The following HMGCLL1 variants were observed in gnomAD, a reference collection of about 807,000 sequenced individuals.
HMGCLL1 encodes 3-hydroxy-3-methylglutaryl-CoA lyase like 1.
Under a neutral mutation model 39.1 loss-of-function variants are expected in HMGCLL1, and 36 were observed. The observed-to-expected ratio is 0.92, with a 90% CI of 0.71 to 1.22. The LOEUF (loss-of-function observed/expected upper bound fraction) is 1.22, where lower values mean the gene tolerates loss of function less well. Among genes scored for constraint, HMGCLL1 ranks in the 50% most tolerant of loss-of-function variants. HMGCLL1 has a pLI of 0.00. For missense variants in HMGCLL1, 451 were observed against 416.5 expected, an observed-to-expected ratio of 1.08 and a Z score of -0.72; for synonymous variants, 149 against 144.0, an observed-to-expected ratio of 1.03 and a Z score of -0.25.
At chr6:55,476,782 A>G (rs1336938390) in intron 7 of HMGCLL1, among the ~76,000 whole-genome samples, 2 of 151,552 alleles carry the variant, frequency 1.3e-5, no homozygotes, top group Non-Finnish European at 3.0e-5. Context: ...ATTAGGATAC[A>G]GTGAAATAGA....
At chr6:55,669,357 T>C in the HMGCLL1 span, among the ~76,000 whole-genome samples, 2 of 151,866 alleles carry the variant, frequency 1.3e-5, no homozygotes, top group East Asian at 3.9e-4. Flanking sequence ...TTGATACATG[T>C]AGTCTGAGCC....
At chr6:55,498,959 C>T (rs1343582384) in intron 6 of HMGCLL1, among the ~76,000 whole-genome samples, 3 of 146,894 alleles carry the variant, frequency 2.0e-5, no homozygotes, top group Non-Finnish European at 4.6e-5. Context: ...TACGTTATAG[C>T]CACAAAAAAA....
chr6:55,483,368 C>T (rs926429757), intron 7 of HMGCLL1, among the ~76,000 whole-genome samples: 1 of 152,156 alleles, frequency 6.6e-6, no homozygotes, highest in Non-Finnish European at 1.5e-5. Flanking sequence ...CAGGTTCAAG[C>T]AATTCTCCTG....
intron 7 of HMGCLL1, among the ~76,000 whole-genome samples, chr6:55,457,908 G>A (rs1764395162): frequency 6.6e-6 from 1 of 152,130 alleles, no homozygotes; most frequent in African/African-American, 2.4e-5. Context: ...CTGGGGCCAT[G>A]AGTGCACTTT....
intron 6 of HMGCLL1, among the ~76,000 whole-genome samples, chr6:55,496,911 T>C (rs1581857913): frequency 6.6e-6 from 1 of 152,272 alleles, no homozygotes; most frequent in African/African-American, 2.4e-5. Context: ...TTTTTGACTG[T>C]GCATGTGGAG....
chr6:55,630,157 A>G, the HMGCLL1 span, among the ~76,000 whole-genome samples: 2 of 152,122 alleles, frequency 1.3e-5, no homozygotes, highest in African/African-American at 2.4e-5. Flanking sequence ...TATACCCTGC[A>G]AACCCACAGG....
chr6:55,664,145 T>G, the HMGCLL1 span, among the ~76,000 whole-genome samples: 1 of 151,876 alleles, frequency 6.6e-6, no homozygotes, highest in Non-Finnish European at 1.5e-5. Context: ...CTGTGCCTTT[T>G]AGATGGGGCA....
intron 1 of HMGCLL1, among the ~76,000 whole-genome samples, chr6:55,571,534 G>A (rs1026821184): frequency 2.6e-5 from 4 of 152,146 alleles, no homozygotes; most frequent in Non-Finnish European, 4.4e-5. Context: ...CGCTGGGCAA[G>A]GTGGCTCACG....
the HMGCLL1 span, among the ~76,000 whole-genome samples, chr6:55,654,809 C>G: frequency 6.6e-6 from 1 of 151,898 alleles, no homozygotes; most frequent in South Asian, 2.1e-4. Flanking sequence ...CTCTGTCAAC[C>G]CTTTCCAGGA....
intron 7 of HMGCLL1, among the ~76,000 whole-genome samples, chr6:55,459,253 T>C (rs1345528439): frequency 6.6e-6 from 1 of 152,108 alleles, no homozygotes; most frequent in African/African-American, 2.4e-5. Context: ...CAACTTAGAA[T>C]CTAGTAGAAA....
At chr6:55,531,183 C>A (rs1057023400) in intron 3 of HMGCLL1, among the ~76,000 whole-genome samples, 1 of 152,258 alleles carries the variant, frequency 6.6e-6, no homozygotes, top group Admixed American at 6.5e-5. Flanking sequence ...CTAGTCTAGT[C>A]CCTAGGGCAT....
chr6:55,672,101 C>G, the HMGCLL1 span, among the ~76,000 whole-genome samples: 1 of 151,452 alleles, frequency 6.6e-6, no homozygotes, highest in African/African-American at 2.4e-5. Context: ...CCTTTTGTAC[C>G]TTTTAAATTT....
chr6:55,489,075 A>G (rs538378583), intron 7 of HMGCLL1, among the ~76,000 whole-genome samples: 2 of 152,180 alleles, frequency 1.3e-5, no homozygotes, highest in South Asian at 2.1e-4. Flanking sequence ...ATTCAATCCA[A>G]TGTTCCAAAG....
intron 7 of HMGCLL1, among the ~76,000 whole-genome samples, chr6:55,456,870 C>T (rs1366965257): frequency 3.3e-5 from 5 of 152,138 alleles, no homozygotes; most frequent in African/African-American, 1.2e-4. Context: ...GCCTCCTTAA[C>T]AGTGAAGCAA....
At chr6:55,496,167 T>C (rs1383974251) in intron 6 of HMGCLL1, among the ~76,000 whole-genome samples, 2 of 151,998 alleles carry the variant, frequency 1.3e-5, no homozygotes, top group African/African-American at 4.8e-5. Context: ...TTTTCGGAGA[T>C]TTTCAACAAT....
the HMGCLL1 span, among the ~76,000 whole-genome samples, chr6:55,587,080 G>A: frequency 2.6e-5 from 4 of 151,956 alleles, no homozygotes; most frequent in Non-Finnish European, 2.9e-5. Context: ...TTTAAGGATC[G>A]CCATTCTAAC....
chr6:55,436,341 A>G (rs1162360784), intron 8 of HMGCLL1, among the ~76,000 whole-genome samples: 1 of 152,034 alleles, frequency 6.6e-6, no homozygotes, highest in East Asian at 1.9e-4. Flanking sequence ...CACATCTGGA[A>G]CTTGTTCGCC....
chr6:55,587,111 A>T, the HMGCLL1 span, among the ~76,000 whole-genome samples: 77,357 of 151,906 alleles, frequency 0.51, 20,050 homozygotes, highest in South Asian at 0.61. Flanking sequence ...TGGTATCTCA[A>T]TGTGGTTTCG....
intron 7 of HMGCLL1, among the ~76,000 whole-genome samples, chr6:55,472,668 C>T (rs935616206): frequency 2.0e-5 from 3 of 150,366 alleles, no homozygotes; most frequent in African/African-American, 7.3e-5. Flanking sequence ...CAGATAATTA[C>T]CATAGACCTA....
Sources: gnomAD v4.1 joint callset for allele counts (sites outside exome capture counted in the v4.1 genomes callset) on GRCh38, gnomAD v4.1.1 for gene constraint, MANE v1.5 for transcripts, NCBI Gene and HGNC (gene_info 2026-07-23, HGNC 2026-07-21) for gene names.